Variants in RAD51B observed in about 807,000 individuals in gnomAD.
RAD51B encodes RAD51 paralog B, also known as DNA repair protein RAD51 homolog 2.
Under a neutral mutation model 42.2 loss-of-function variants are expected in RAD51B, and 38 were observed. The observed-to-expected ratio is 0.90, with a 90% CI of 0.70 to 1.18. RAD51B has a LOEUF of 1.18. Among genes scored for constraint, RAD51B ranks in the 50% most tolerant of loss-of-function variants. RAD51B has a pLI of 0.00. For missense variants in RAD51B, 373 were observed against 400.7 expected (o/e 0.93, Z 0.59); for synonymous variants, 154 against 145.2 (o/e 1.06, Z -0.43).
chr14:68,507,118 T>C (rs1220068746), intron 10 of RAD51B, among the ~76,000 whole-genome samples: 1 of 152,118 alleles, frequency 6.6e-6, no homozygotes, highest in Non-Finnish European at 1.5e-5. Flanking sequence ...CAGGTGCTCT[T>C]GAAGTACACA....
chr14:68,541,010 T>C (rs1887935014), intron 10 of RAD51B: 1 of 985,304 alleles, frequency 1.0e-6, no homozygotes, highest in African/African-American at 1.7e-5. Flanking sequence ...TTTGTTTTTG[T>C]TTTCACTTTG....
At chr14:68,228,743 C>T (rs1004320721) in intron 7 of RAD51B, among the ~76,000 whole-genome samples, 3 of 152,198 alleles carry the variant, frequency 2.0e-5, no homozygotes, top group African/African-American at 7.2e-5. Flanking sequence ...AATCTATTCT[C>T]TAGATTTAGC....
intron 7 of RAD51B, among the ~76,000 whole-genome samples, chr14:68,056,354 G>T (rs536755414): frequency 2.0e-5 from 3 of 151,970 alleles, no homozygotes; most frequent in Non-Finnish European, 2.9e-5. Flanking sequence ...TTCTCATGTT[G>T]GTCAGGCTGG....
At chr14:67,917,195 C>A (rs558939048) in intron 7 of RAD51B, among the ~76,000 whole-genome samples, 1 of 152,098 alleles carries the variant, frequency 6.6e-6, no homozygotes, top group Non-Finnish European at 1.5e-5. Flanking sequence ...GCTGTTCTTG[C>A]GTTGCTATAA....
intron 7 of RAD51B, among the ~76,000 whole-genome samples, chr14:68,125,753 TGTTTTG>T (rs2077745164): frequency 2.0e-5 from 3 of 150,964 alleles, no homozygotes; most frequent in Non-Finnish European, 2.9e-5. Context: ...TGTTTTGTTT[TGTTTTG>T]TTTTTTCAAA....
chr14:67,935,144 G>A (rs2044889315), intron 7 of RAD51B, among the ~76,000 whole-genome samples: 1 of 152,190 alleles, frequency 6.6e-6, no homozygotes, highest in African/African-American at 2.4e-5. Flanking sequence ...ACTAATTATA[G>A]TGTACTTGGT....
intron 7 of RAD51B, among the ~76,000 whole-genome samples, chr14:68,167,832 A>G (rs894432347): frequency 6.6e-6 from 1 of 152,134 alleles, no homozygotes; most frequent in South Asian, 2.1e-4. Context: ...TTAGCACTTT[A>G]TAGGTACAAA....
At chr14:68,544,570 G>GA (rs1888126596) in intron 10 of RAD51B, among the ~76,000 whole-genome samples, 1 of 152,160 alleles carries the variant, frequency 6.6e-6, no homozygotes, top group Admixed American at 6.5e-5. Context: ...AGACTGTCAA[G>GA]AAAAATCTGA....
chr14:67,863,210 A>C (rs192090765), intron 4 of RAD51B, among the ~76,000 whole-genome samples: 2 of 126,286 alleles, frequency 1.6e-5, no homozygotes, highest in South Asian at 4.8e-4. Context: ...TGGCTGGTCT[A>C]GAACTCCTGG....
At chr14:67,917,798 G>A (rs2044203805) in intron 7 of RAD51B, among the ~76,000 whole-genome samples, 1 of 152,038 alleles carries the variant, frequency 6.6e-6, no homozygotes, top group East Asian at 1.9e-4. Context: ...GATTTGAGGG[G>A]GAAGATCAGG....
At chr14:68,567,636 C>T (rs1238704805) in intron 10 of RAD51B, among the ~76,000 whole-genome samples, 3 of 152,226 alleles carry the variant, frequency 2.0e-5, no homozygotes, top group African/African-American at 4.8e-5. Flanking sequence ...ATCCTCTGTG[C>T]TCTGTGTATA....
At chr14:67,925,470 A>C (rs2044473509) in intron 7 of RAD51B, among the ~76,000 whole-genome samples, 1 of 151,992 alleles carries the variant, frequency 6.6e-6, no homozygotes, top group South Asian at 2.1e-4. Context: ...ACGGGGTTTC[A>C]CCATATTGGC....
intron 11 of RAD51B, among the ~76,000 whole-genome samples, chr14:68,674,795 C>T (rs1385791686): frequency 1.3e-5 from 2 of 152,100 alleles, no homozygotes; most frequent in Non-Finnish European, 2.9e-5. Flanking sequence ...CAATGAGCGT[C>T]TTAAACCACT....
chr14:68,632,942 ATTTTTTC>A (rs1892261980), intron 10 of RAD51B, among the ~76,000 whole-genome samples: 2 of 118,720 alleles, frequency 1.7e-5, no homozygotes, highest in Non-Finnish European at 3.6e-5. Flanking sequence ...TGCCCAGCTA[ATTTTTTC>A]TTTTTTCTTT....
intron 5 of RAD51B, among the ~76,000 whole-genome samples, chr14:67,873,430 A>C (rs2042613813): frequency 6.6e-6 from 1 of 151,182 alleles, no homozygotes; most frequent in Admixed American, 6.6e-5. Context: ...TTAAAAAGTC[A>C]GGAAACAACA....
chr14:68,240,362 T>C (rs1190451139), intron 7 of RAD51B, among the ~76,000 whole-genome samples: 1 of 152,192 alleles, frequency 6.6e-6, no homozygotes, highest in African/African-American at 2.4e-5. Context: ...CTTCTGGGGA[T>C]TGTCTGTTCA....
intron 7 of RAD51B, among the ~76,000 whole-genome samples, chr14:68,090,858 C>A (rs1342729973): frequency 8.8e-6 from 1 of 113,142 alleles, no homozygotes. Context: ...CCCCTCCCCC[C>A]ACCCCACAAC....
chr14:68,000,848 A>G (rs1018529079), intron 7 of RAD51B, among the ~76,000 whole-genome samples: 1 of 152,162 alleles, frequency 6.6e-6, no homozygotes, highest in African/African-American at 2.4e-5. Context: ...TCTGAGAACC[A>G]TTATTTGGAA....
chr14:68,564,629 G>C (rs763414014), intron 10 of RAD51B, among the ~76,000 whole-genome samples: 3 of 152,182 alleles, frequency 2.0e-5, no homozygotes, highest in Non-Finnish European at 1.5e-5. Context: ...GGGGTGGGTG[G>C]AAACTCTGCT....
Sources: gnomAD v4.1 joint callset for allele counts (sites outside exome capture counted in the v4.1 genomes callset) on GRCh38, gnomAD v4.1.1 for gene constraint, MANE v1.5 for transcripts, NCBI Gene and HGNC (gene_info 2026-07-23, HGNC 2026-07-21) for gene names.